LRBA: variants seen among roughly 807,000 people sequenced by gnomAD.
LRBA encodes the protein LPS responsive beige-like anchor protein, also known as lipopolysaccharide-responsive and beige-like anchor protein.
Under a neutral mutation model 330.0 loss-of-function variants are expected in LRBA, and 176 were observed. The observed-to-expected ratio is 0.53, with a 90% CI of 0.47 to 0.60. LRBA has a LOEUF of 0.60. Among genes scored for constraint, LRBA ranks in the 20% least tolerant of loss-of-function variants. The pLI, the probability that LRBA is intolerant of heterozygous loss-of-function variation, is 0.00. For synonymous variants in LRBA, 1,230 were observed against 1,193.0 expected, an observed-to-expected ratio of 1.03 and a Z score of -0.64; for missense variants, 3,259 against 3,444.8, an observed-to-expected ratio of 0.95 and a Z score of 1.35.
At chr4:150,585,140 T>G (rs1771936671) in intron 40 of LRBA, among the ~76,000 whole-genome samples, 2 of 152,214 alleles carry the variant, frequency 1.3e-5, no homozygotes, top group Non-Finnish European at 2.9e-5. Flanking sequence ...AGTTGATACT[T>G]TTCCTTCAAC....
At position 150,831,917 on chromosome 4, in the gene LRBA, A is replaced by G. The variant is rs1359586307; in HGVS notation, c.4629T>C (p.Leu1543=). ...ALAVVYFISV[L]MVSKYRDILE... The stretch of plus-strand genomic sequence containing the variant: ...AAATGTCTCTGTACTTGGAGACCAT[A>G]AGAACAGAGATAAAGTATACTACTG... Residue 1543 remains leucine, a synonymous_variant, in exon 29 of 57, where the codon CTT becomes CTC. Coordinates refer to ENST00000651943, the MANE Select transcript of LRBA (RefSeq NM_001364905.1). 1.9e-6 allele frequency: 3 copies of G among 1,601,752 alleles called. No individual in the cohort carries two copies. The highest frequency in any genetic ancestry group is 2.6e-6 in the Non-Finnish European group (3 of 1,173,318).
intron 2 of LRBA, 133 bp downstream of exon 2, chr4:151,014,294 G>A: frequency 1.6e-6 from 1 of 634,524 alleles, no homozygotes; most frequent in Non-Finnish European, 2.8e-6. Context: ...TCATTTAGGT[G>A]AGTAGAATTT....
chr4:150,473,714 A>C (rs1756405335), intron 42 of LRBA, among the ~76,000 whole-genome samples: 1 of 152,118 alleles, frequency 6.6e-6, no homozygotes, highest in Non-Finnish European at 1.5e-5. Flanking sequence ...ATTAGGATTG[A>C]ATTACACCAC....
rs1741059466 is a variant in LRBA, at chr4:150,798,069, C to T, written c.5580+12G>A. ...ATCTACTTTTAATTCAACATTTATT[C>T]TTGCCACTCACCTGAGAACACAGTA... On this transcript the variant is annotated intron_variant, in intron 34 of 56. Coordinates refer to ENST00000651943, the MANE Select transcript of LRBA (RefSeq NM_001364905.1). 1.9e-6 allele frequency: 3 copies of T among 1,574,922 alleles called. No individual in the cohort carries two copies. In the East Asian group the frequency reaches 6.7e-5, roughly 35 times the overall value.
chr4:150,936,008 T>G (rs1400810929), intron 2 of LRBA, among the ~76,000 whole-genome samples: 1 of 151,760 alleles, frequency 6.6e-6, no homozygotes, highest in Non-Finnish European at 1.5e-5. Context: ...ATTTTCAATT[T>G]GGTGAAAAAA....
At chr4:150,501,437 C>T (rs1025389599) in intron 40 of LRBA, among the ~76,000 whole-genome samples, 1 of 152,004 alleles carries the variant, frequency 6.6e-6, no homozygotes, top group Admixed American at 6.6e-5. Flanking sequence ...ACAGCAAAAC[C>T]CCGTCTCTGC....
intron 2 of LRBA, among the ~76,000 whole-genome samples, chr4:150,997,981 A>G (rs772585762): frequency 9.2e-5 from 14 of 152,114 alleles, no homozygotes; most frequent in Non-Finnish European, 1.9e-4. Flanking sequence ...TAGGATTACA[A>G]GCGTGAGCCA....
chr4:150,726,008 TAAA>T (rs1729617461), intron 36 of LRBA, among the ~76,000 whole-genome samples: 3 of 151,914 alleles, frequency 2.0e-5, no homozygotes, highest in African/African-American at 7.3e-5. Context: ...ACACAAAATA[TAAA>T]AAGCAAGAAA....
intron 44 of LRBA, among the ~76,000 whole-genome samples, chr4:150,462,149 T>C (rs576997787): frequency 1.3e-5 from 2 of 151,956 alleles, no homozygotes; most frequent in Non-Finnish European, 3.0e-5. Context: ...TGTATGTTTA[T>C]AAAATATGGA....
At chr4:150,859,584 A>G (rs1751648701) in intron 22 of LRBA, among the ~76,000 whole-genome samples, 1 of 152,222 alleles carries the variant, frequency 6.6e-6, no homozygotes, top group Non-Finnish European at 1.5e-5. Context: ...TAGTGCAGTT[A>G]TACTAGAAGA....
At chr4:150,680,449 G>A (rs1242325912) in intron 37 of LRBA, among the ~76,000 whole-genome samples, 1 of 152,208 alleles carries the variant, frequency 6.6e-6, no homozygotes, top group Non-Finnish European at 1.5e-5. Flanking sequence ...GGTGTCAAAA[G>A]ATATTAGATG....
intron 2 of LRBA, among the ~76,000 whole-genome samples, chr4:150,980,606 C>T (rs961334761): frequency 1.3e-5 from 2 of 151,936 alleles, no homozygotes; most frequent in Non-Finnish European, 2.9e-5. Flanking sequence ...GACGAGATCA[C>T]GCCACTGCAC....
rs34280757 is a variant in LRBA at position 150,864,644 on chromosome 4, C to CTTTTTT, written c.2766+3021_2766+3026dup. On this transcript the variant is annotated intron_variant, in intron 22 of 56. Coordinates refer to ENST00000651943, the MANE Select transcript of LRBA (RefSeq NM_001364905.1). ...TGAAAAGCTCTCATGGGCCCACGTT[C>CTTTTTT]TTTTTTTTTTTTTTTTTTTTGAGAC... Among the ~76,000 whole-genome samples, 25 of 118,426 alleles carry CTTTTTT rather than the reference C, an allele frequency of 2.1e-4. 1 individual carries two copies. Among genetic ancestry groups the CTTTTTT allele is most frequent in the African/African-American group, 6.9e-4 (22 of 31,998 alleles). 77.7% of individuals were successfully genotyped at this position (118,426 alleles called of 152,430 possible). A position where few individuals can be genotyped will look rare whatever the true frequency, so the allele number is the denominator to read the frequency against.
chr4:150,746,773 G>A (rs1323072166), intron 35 of LRBA, among the ~76,000 whole-genome samples: 1 of 152,058 alleles, frequency 6.6e-6, no homozygotes, highest in Non-Finnish European at 1.5e-5. Context: ...GCCTCCCAAA[G>A]TGCTGGGATT....
intron 2 of LRBA, among the ~76,000 whole-genome samples, chr4:150,998,696 C>T (rs1467301110): frequency 6.6e-6 from 1 of 152,092 alleles, no homozygotes; most frequent in Non-Finnish European, 1.5e-5. Context: ...ACACCACCTC[C>T]ACACATAAAA....
chr4:150,366,033 GA>G (rs1251631931), intron 47 of LRBA, among the ~76,000 whole-genome samples: 4 of 151,944 alleles, frequency 2.6e-5, no homozygotes, highest in Non-Finnish European at 5.9e-5. Flanking sequence ...ATATTGATTA[GA>G]TTTTTTTATT....
intron 40 of LRBA, among the ~76,000 whole-genome samples, chr4:150,565,954 C>G (rs1348683055): frequency 6.6e-6 from 1 of 151,600 alleles, no homozygotes; most frequent in Non-Finnish European, 1.5e-5. Flanking sequence ...GAGGCCAAGC[C>G]CAGTGGCTCA....
chr4:150,416,214 G>A (rs368791217), intron 46 of LRBA, among the ~76,000 whole-genome samples: 6 of 152,328 alleles, frequency 3.9e-5, no homozygotes, highest in African/African-American at 1.4e-4. Flanking sequence ...TTAATAAGCA[G>A]AAAAATGCAG....
intron 47 of LRBA, among the ~76,000 whole-genome samples, chr4:150,371,948 G>C (rs1390217805): frequency 6.6e-6 from 1 of 152,038 alleles, no homozygotes; most frequent in Non-Finnish European, 1.5e-5. Context: ...CATCATTCTT[G>C]ATAGCTTCAG....
Sources: allele counts gnomAD v4.1 joint callset (sites outside exome capture counted in the v4.1 genomes callset), GRCh38; gene constraint gnomAD v4.1.1; transcripts MANE v1.5; gene names NCBI Gene and HGNC (gene_info 2026-07-23, HGNC 2026-07-21).